Variants in CFC1 observed in about 807,000 individuals in gnomAD.
The protein encoded by CFC1 is cryptic, EGF-CFC family member 1.
For synonymous variants in CFC1, 8 were observed against 50.7 expected (o/e 0.16, Z 3.58); for missense variants, 14 against 120.0 (o/e 0.12, Z 4.13).
intron 5 of CFC1, among the ~76,000 whole-genome samples, chr2:130,595,724 T>A (rs1313496382): frequency 4.0e-5 from 6 of 150,950 alleles, no homozygotes; most frequent in Non-Finnish European, 8.8e-5. Flanking sequence ...GGCGACAGAG[T>A]GAGACTCCAT....
chr2:130,595,813 C>G (rs566478947), intron 5 of CFC1, among the ~76,000 whole-genome samples: 1 of 147,786 alleles, frequency 6.8e-6, no homozygotes, highest in South Asian at 2.1e-4. Flanking sequence ...GTTGATCTCT[C>G]TGTGTCTCAG....
At chr2:130,598,433 G>A (rs1451540830) in intron 3 of CFC1, among the ~76,000 whole-genome samples, 1 of 150,576 alleles carries the variant, frequency 6.6e-6, no homozygotes, top group African/African-American at 2.5e-5. Context: ...CAAATACAAC[G>A]TTTTACCAAT....
chr2:130,595,687 G>C (rs1384276802), intron 5 of CFC1, among the ~76,000 whole-genome samples: 1 of 150,250 alleles, frequency 6.7e-6, no homozygotes, highest in African/African-American at 2.5e-5. Context: ...GCAGTGAGCC[G>C]AGACTGCGCC....
intron 5 of CFC1, among the ~76,000 whole-genome samples, chr2:130,595,807 A>T (rs1234990894): frequency 2.0e-5 from 3 of 149,094 alleles, no homozygotes; most frequent in Non-Finnish European, 4.4e-5. Context: ...GTAGGAGTTG[A>T]TCTCTCTGTG....
chr2:130,595,872 T>G (rs1489888729), intron 5 of CFC1, among the ~76,000 whole-genome samples: 6 of 103,308 alleles, frequency 5.8e-5, no homozygotes, highest in Non-Finnish European at 3.6e-5. Context: ...TTCATAAGAG[T>G]TAAATGGGAT....
chr2:130,596,990 G>A (rs1684977703), intron 5 of CFC1, among the ~76,000 whole-genome samples: 1 of 148,078 alleles, frequency 6.8e-6, no homozygotes. Context: ...GGGGCCAAGA[G>A]GCTGGGCCTT....
chr2:130,593,305 G>T (rs1288509889), intron 5 of CFC1, among the ~76,000 whole-genome samples: 5 of 152,276 alleles, frequency 3.3e-5, no homozygotes, highest in Non-Finnish European at 5.9e-5. Flanking sequence ...AGCTGAAGGA[G>T]AATTACAGTA....
chr2:130,593,350 C>T (rs1351673395), intron 5 of CFC1, among the ~76,000 whole-genome samples: 2 of 152,298 alleles, frequency 1.3e-5, no homozygotes, highest in African/African-American at 2.4e-5. Context: ...ACAGCCCTTC[C>T]GTCTTTTTCA....
rs1267222214 is a variant in CFC1 at position 130,592,267 on chromosome 2, A to G, written c.*610T>C. The G allele has an allele frequency of 2.5e-5, 4 of 157,542 alleles. No individual in the cohort carries two copies. The highest frequency in any genetic ancestry group is 5.5e-5 in the Non-Finnish European group (4 of 72,686). 9.8% of individuals were successfully genotyped at this position (157,542 alleles called of 1,614,324 possible). ...TTGAAAAGATTGAAAATGCCAATAAACTAATTGACAATATAAAATGTAAAA... is the reference window on the plus strand; with the variant it reads ...TTGAAAAGATTGAAAATGCCAATAAGCTAATTGACAATATAAAATGTAAAA... On this transcript the variant is annotated 3_prime_UTR_variant, in exon 6 of 6. Coordinates refer to ENST00000259216, the MANE Select transcript of CFC1 (RefSeq NM_032545.4).
At chr2:130,593,553 A>G (rs1249550938) in intron 5 of CFC1, among the ~76,000 whole-genome samples, 5 of 151,842 alleles carry the variant, frequency 3.3e-5, no homozygotes, top group Non-Finnish European at 5.9e-5. Flanking sequence ...AGGAGGGTGC[A>G]GCCATCCAAA....
intron 1 of CFC1, 63 bp downstream of exon 1, chr2:130,599,202 G>A: frequency 6.4e-5 from 2 of 31,270 alleles, no homozygotes; most frequent in Non-Finnish European, 9.5e-5. Context: ...CATGCACTAC[G>A]ATTTATTCTG....
rs1390064252 is a variant in CFC1, at chr2:130,598,622, T to G, written c.247+20A>C. The G allele has an allele frequency of 6.2e-7, 1 of 1,613,810 alleles. No individual in the cohort carries two copies. Among genetic ancestry groups the G allele is most frequent in the Non-Finnish European group, 8.5e-7 (1 of 1,179,896 alleles). ...GACTGAGATGACGCCCCGGATTTTG[T>G]GGGCAGCGCTGCAACTTACCCTCTC... On this transcript the variant is annotated intron_variant, in intron 3 of 5. Coordinates refer to ENST00000259216, the MANE Select transcript of CFC1 (RefSeq NM_032545.4).
intron 5 of CFC1, among the ~76,000 whole-genome samples, chr2:130,593,389 G>A (rs1684872036): frequency 6.6e-6 from 1 of 152,410 alleles, no homozygotes; most frequent in African/African-American, 2.4e-5. Flanking sequence ...AGGGAGTCCC[G>A]CTCCAGGTCA....
Position 130,595,965 on chromosome 2 carries a change from C to G in CFC1, c.472+1529G>C, listed in dbSNP as rs1440207493. ...AGAAGAGCTTGCCCTATTGCAATGG[C>G]ACCTGCCACGGAGGATGTTCCATCT... On this transcript the variant is annotated intron_variant, in intron 5 of 5. Transcript: ENST00000259216. Among the ~76,000 whole-genome samples, 19 of 101,274 alleles carry G rather than the reference C, an allele frequency of 1.9e-4. No individual in the cohort carries two copies. In the East Asian group the frequency reaches 4.4e-3, roughly 23 times the overall value. The allele number at this position is 101,274 out of a possible 152,430, so 66.4% of individuals were successfully genotyped here.
At chr2:130,598,135 GAAAC>G (rs1372544918) in intron 3 of CFC1, among the ~76,000 whole-genome samples, 153 bp from the exon 4 acceptor site, 12 of 99,874 alleles carry the variant, frequency 1.2e-4, no homozygotes, top group Non-Finnish European at 2.1e-4. Flanking sequence ...TTAGGGATGT[GAAAC>G]AAACTATCAG....
At chr2:130,596,827 G>A (rs1314874853) in intron 5 of CFC1, among the ~76,000 whole-genome samples, 1 of 146,184 alleles carries the variant, frequency 6.8e-6, no homozygotes, top group Non-Finnish European at 1.5e-5. Flanking sequence ...GGGGTTGCGG[G>A]GCTGTGCTCT....
intron 5 of CFC1, among the ~76,000 whole-genome samples, chr2:130,593,689 GT>G (rs1163690071): frequency 2.0e-5 from 3 of 148,032 alleles, no homozygotes; most frequent in Admixed American, 1.3e-4. Context: ...TAGTCCCTGT[GT>G]CCCCTCCCCA....
intron 5 of CFC1, among the ~76,000 whole-genome samples, chr2:130,595,723 G>C (rs1325965605): frequency 2.0e-5 from 3 of 151,158 alleles, no homozygotes; most frequent in African/African-American, 7.4e-5. Context: ...GGGCGACAGA[G>C]TGAGACTCCA....
intron 5 of CFC1, among the ~76,000 whole-genome samples, chr2:130,594,794 CCT>C (rs1204082877): frequency 2.7e-5 from 4 of 146,102 alleles, no homozygotes; most frequent in Non-Finnish European, 5.9e-5. Context: ...AGAACCACCC[CCT>C]TAGACTAACA....
Sources: allele counts gnomAD v4.1 joint callset (sites outside exome capture counted in the v4.1 genomes callset), GRCh38; gene constraint gnomAD v4.1.1; transcripts MANE v1.5; gene names NCBI Gene and HGNC (gene_info 2026-07-23, HGNC 2026-07-21).